The following ITGAE variants were observed in gnomAD, a reference collection of about 807,000 sequenced individuals.
ITGAE encodes the protein integrin subunit alpha E.
A neutral mutation model predicts 136.5 loss-of-function variants in ITGAE; 99 were observed. The observed-to-expected ratio is 0.73, with a 90% CI of 0.62 to 0.86. ITGAE has a LOEUF of 0.86. ITGAE is among the 40% of genes least tolerant of loss of function. ITGAE has a pLI of 0.00. For synonymous variants in ITGAE, 613 were observed against 591.8 expected (o/e 1.04, Z -0.52); for missense variants, 1,447 against 1,515.3 (o/e 0.95, Z 0.75).
In ITGAE at chr17:3,743,611, C is replaced by T. The variant is rs766553182; in HGVS notation, c.2326G>A (p.Glu776Lys). 2 of 1,613,022 alleles carry T rather than the reference C, an allele frequency of 1.2e-6. No individual in the cohort carries two copies. The highest frequency in any genetic ancestry group is 1.7e-6 in the Non-Finnish European group (2 of 1,179,620). The part of the protein sequence containing the change: ...LLMPTEGELC[E>K]EDCFSNASVK... The stretch of plus-strand genomic sequence containing the variant: ...CTGGCATTGGAGAAGCAGTCCTCCT[C>T]ACAGAGCTGTGGGGTCACCACGGAA... The change falls in exon 19 of 31, where the codon GAG (glutamate) becomes AAG (lysine). Residue 776 changes from glutamate to lysine, a missense_variant. Transcript: ENST00000263087.
intron 1 of ITGAE, among the ~76,000 whole-genome samples, chr17:3,791,566 A>G (rs2052941208): frequency 6.6e-6 from 1 of 152,156 alleles, no homozygotes; most frequent in African/African-American, 2.4e-5. Context: ...TACAGGTGTG[A>G]GCCACCACGC....
intron 1 of ITGAE, among the ~76,000 whole-genome samples, chr17:3,796,476 C>T (rs2053107443): frequency 6.6e-6 from 1 of 152,166 alleles, no homozygotes. Context: ...CCCTCTGGGA[C>T]ATGGGGCTGT....
At chr17:3,771,290 ACGTAGCGGGGCACACAC>A (rs1475745269) in intron 2 of ITGAE, among the ~76,000 whole-genome samples, 1 of 152,124 alleles carries the variant, frequency 6.6e-6, no homozygotes, top group Non-Finnish European at 1.5e-5. Context: ...GAGGAGCCCG[ACGTAGCGGGGCACACAC>A]CGTATGCCTC....
intron 1 of ITGAE, among the ~76,000 whole-genome samples, chr17:3,795,450 C>T (rs557642669): frequency 1.1e-4 from 17 of 152,372 alleles, no homozygotes; most frequent in African/African-American, 4.1e-4. Flanking sequence ...CCCCAGAGCA[C>T]CTGTTGCCTT....
intron 6 of ITGAE, 122 bp from the exon 7 acceptor site, chr17:3,760,409 G>T: frequency 3.8e-6 from 1 of 260,210 alleles, no homozygotes; most frequent in Non-Finnish European, 7.6e-6. Context: ...GAAGAAGTTG[G>T]AGAAGCTCCC....
At position 3,798,439 on chromosome 17, in the gene ITGAE, C is replaced by A. The variant is rs1381228922; in HGVS notation, c.34+2672G>T. Among the ~76,000 whole-genome samples the A allele has an allele frequency of 6.6e-6, 1 of 152,114 alleles. No individual in the cohort carries two copies. Among genetic ancestry groups the A allele is most frequent in the Non-Finnish European group, 1.5e-5 (1 of 68,002 alleles). On this transcript the variant is annotated intron_variant, in intron 1 of 30. Transcript: ENST00000263087. This position sits in a 1 kb window ranked among gnomAD's most constrained non-coding sequence, Gnocchi z 4.3. ...CGCCTCCATCTTCCTACAAACCAGA[C>A]TCTTCACACCCCAGGGCTTGGTCCC...
At chr17:3,765,819 G>GGGT (rs1191401927) in intron 2 of ITGAE, among the ~76,000 whole-genome samples, 1 of 152,082 alleles carries the variant, frequency 6.6e-6, no homozygotes, top group Non-Finnish European at 1.5e-5. Flanking sequence ...TCTGGGGGCT[G>GGGT]GGTCACTGTC....
intron 26 of ITGAE, chr17:3,724,654 G>A: frequency 6.2e-7 from 1 of 1,614,218 alleles, no homozygotes; most frequent in Non-Finnish European, 8.5e-7. Flanking sequence ...ACCCGCGCCA[G>A]CCTCAGGTCA....
chr17:3,776,310 G>A (rs1300969355), intron 2 of ITGAE, among the ~76,000 whole-genome samples: 5 of 152,050 alleles, frequency 3.3e-5, no homozygotes, highest in South Asian at 4.2e-4. Flanking sequence ...CGCCCGCCTC[G>A]GCCTCCCAAA....
rs112195456 is a variant in ITGAE at position 3,735,062 on chromosome 17, C to T, written c.2523-113G>A. On this transcript the variant is annotated intron_variant, in intron 20 of 30. Coordinates refer to ENST00000263087, the MANE Select transcript of ITGAE (RefSeq NM_002208.5). ...GCGTGGTGCTGTGGTGCAATGATCA[C>T]GGCTCACCGCAGCCTCCACTTCCTG... 3,664 of 1,177,542 alleles carry T rather than the reference C, an allele frequency of 3.1e-3. 82 individuals carry two copies. In the African/African-American group the frequency reaches 0.046, roughly 15 times the overall value. The allele number at this position is 1,177,542 out of a possible 1,614,324, so 72.9% of individuals were successfully genotyped here.
Position 3,757,137 on chromosome 17 carries a change from GCA to G in ITGAE, c.1021-5_1021-4del, listed in dbSNP as rs1415143483. ...GCACTCTTAAATTCTTCTCCCACCT[GCA>G]CAGACAGCCTGGGTCAGCGAGTCAG... On this transcript the variant is annotated splice_region_variant and splice_polypyrimidine_tract_variant and intron_variant, in intron 9 of 30. Transcript: ENST00000263087. 1.2e-6 allele frequency: 2 copies of G among 1,613,600 alleles called. No individual in the cohort carries two copies. Among genetic ancestry groups the G allele is most frequent in the South Asian group, 2.2e-5 (2 of 91,018 alleles).
At chr17:3,763,765 TG>T in intron 3 of ITGAE, 103 bp downstream of exon 3, 1 of 899,778 alleles carries the variant, frequency 1.1e-6, no homozygotes, top group Non-Finnish European at 1.8e-6. Flanking sequence ...GTGAACGGGC[TG>T]GATGAGGCAG....
intron 1 of ITGAE, among the ~76,000 whole-genome samples, chr17:3,796,569 A>G (rs1021133791): frequency 1.3e-5 from 2 of 151,926 alleles, no homozygotes; most frequent in Non-Finnish European, 2.9e-5. Context: ...GAGAGTTATA[A>G]CCACAGGCGA....
chr17:3,767,100 T>A lies in ITGAE; in HGVS notation c.156-3140A>T, dbSNP rs1451312913. On this transcript the variant is annotated intron_variant, in intron 2 of 30. Transcript: ENST00000263087. ...GTTCTCTCTCCAAATTCTTTTTTTT[T>A]TTTTTCTTTTTTTGAGATGGAGTTT... 2.0e-5 allele frequency among the ~76,000 whole-genome samples: 3 copies of A among 151,754 alleles called. No individual in the cohort carries two copies. In the East Asian group the frequency reaches 5.8e-4, roughly 29 times the overall value.
Position 3,729,231 on chromosome 17 carries a change from A to G in ITGAE, c.2912+247T>C, listed in dbSNP as rs1054129266. The G allele has an allele frequency of 1.7e-5, 8 of 466,250 alleles. No homozygotes were observed. The Admixed American group carries it at 2.0e-4, about 11-fold the overall frequency. The allele number at this position is 466,250 out of a possible 1,614,324, so 28.9% of individuals were successfully genotyped here. On this transcript the variant is annotated intron_variant, in intron 24 of 30. Coordinates refer to ENST00000263087, the MANE Select transcript of ITGAE (RefSeq NM_002208.5). ...GCTGCCTTCTTCCCTCCACAGCGTCATATTAATTCCCTTTTGTAGCACGAC... is the reference window on the plus strand; with the variant it reads ...GCTGCCTTCTTCCCTCCACAGCGTCGTATTAATTCCCTTTTGTAGCACGAC...
At chr17:3,796,471 T>C (rs190727490) in intron 1 of ITGAE, among the ~76,000 whole-genome samples, 1 of 152,142 alleles carries the variant, frequency 6.6e-6, no homozygotes, top group Non-Finnish European at 1.5e-5. Context: ...GTCTCCCCTC[T>C]GGGACATGGG....
chr17:3,719,396 G>A (rs1050867990), intron 29 of ITGAE, among the ~76,000 whole-genome samples: 1 of 152,124 alleles, frequency 6.6e-6, no homozygotes, highest in African/African-American at 2.4e-5. Context: ...TCACTCTCCT[G>A]ACATTCCCTC....
intron 24 of ITGAE, chr17:3,729,227 C>T (rs1201627199): frequency 4.4e-6 from 2 of 456,726 alleles, no homozygotes; most frequent in Admixed American, 3.3e-5. Flanking sequence ...CCCTCCACAG[C>T]GTCATATTAA....
In ITGAE at chr17:3,797,171, T is replaced by A. The variant is rs1475740042; in HGVS notation, c.34+3940A>T. Among the ~76,000 whole-genome samples, 105 of 126,722 alleles carry A rather than the reference T, an allele frequency of 8.3e-4. 2 individuals carry two copies. Among genetic ancestry groups the A allele is most frequent in the African/African-American group, 1.3e-3 (47 of 35,038 alleles). The allele number at this position is 126,722 out of a possible 152,430, so 83.1% of individuals were successfully genotyped here. A position where few individuals can be genotyped will look rare whatever the true frequency, so the allele number is the denominator to read the frequency against. On this transcript the variant is annotated intron_variant, in intron 1 of 30. Transcript: ENST00000263087. Reference sequence around the variant, plus strand: ...TATATATATATATTTTTTTTTTTTTTTTTTTTTTTTTTGAGACGGAGTCTC... The same window carrying A: ...TATATATATATATTTTTTTTTTTTTATTTTTTTTTTTTGAGACGGAGTCTC...
Sources: gnomAD v4.1 joint callset for allele counts (sites outside exome capture counted in the v4.1 genomes callset) on GRCh38, gnomAD v4.1.1 for gene constraint, Gnocchi (gnomAD v3.1) non-coding constraint, MANE v1.5 for transcripts, NCBI Gene and HGNC (gene_info 2026-07-23, HGNC 2026-07-21) for gene names.